Variants in NYAP2 observed in about 807,000 individuals in gnomAD.
The protein encoded by NYAP2 is neuronal tyrosine-phosphorylated phosphoinositide-3-kinase adapter 2.
A neutral mutation model predicts 50.4 loss-of-function variants in NYAP2; 23 were observed. The observed-to-expected ratio is 0.46, with a 90% CI of 0.33 to 0.65. The LOEUF (loss-of-function observed/expected upper bound fraction) is 0.65. Ranked by LOEUF, NYAP2 falls within the 30% of genes least tolerant of loss-of-function variation. The pLI is 0.02. For missense variants in NYAP2, 885 were observed against 861.0 expected (o/e 1.03, Z -0.35); for synonymous variants, 394 against 365.2 (o/e 1.08, Z -0.90).
At chr2:225,455,054 G>A (rs1689718515) in intron 3 of NYAP2, among the ~76,000 whole-genome samples, 1 of 152,048 alleles carries the variant, frequency 6.6e-6, no homozygotes, top group African/African-American at 2.4e-5. Context: ...AAGAGCTTGG[G>A]TGAAGGAATG....
intron 4 of NYAP2, among the ~76,000 whole-genome samples, chr2:225,580,798 C>A (rs942787520): frequency 6.6e-6 from 1 of 152,014 alleles, no homozygotes; most frequent in East Asian, 1.9e-4. Flanking sequence ...AGGTGTTTCC[C>A]GATTTGTGCC....
At chr2:225,646,546 G>C (rs535294501) in intron 6 of NYAP2, among the ~76,000 whole-genome samples, 1 of 152,178 alleles carries the variant, frequency 6.6e-6, no homozygotes, top group South Asian at 2.1e-4. Context: ...AGCAGAACTC[G>C]GTCTCAAAAA....
rs143652974 is a variant in NYAP2, at chr2:225,648,045, G to A, written c.1829-3387G>A. Among the ~76,000 whole-genome samples the A allele has an allele frequency of 5.3e-4, 80 of 152,250 alleles. 1 individual carries two copies. Among genetic ancestry groups the A allele is most frequent in the African/African-American group, 1.9e-3 (79 of 41,538 alleles). ...GATGGAGTTTTGCTCTTGTTGCCCAGGCTGGAGTGCAATGGCATGGTCTTG... is the reference window on the plus strand; with the variant it reads ...GATGGAGTTTTGCTCTTGTTGCCCAAGCTGGAGTGCAATGGCATGGTCTTG... On this transcript the variant is annotated intron_variant, in intron 6 of 6. Transcript: ENST00000636099.
intron 4 of NYAP2, among the ~76,000 whole-genome samples, chr2:225,514,747 G>A (rs1001982248): frequency 1.3e-5 from 2 of 152,084 alleles, no homozygotes; most frequent in African/African-American, 4.8e-5. Context: ...ACACTTCAAG[G>A]TTCCCAATGC....
At chr2:225,547,272 C>T (rs1691600985) in intron 4 of NYAP2, among the ~76,000 whole-genome samples, 1 of 152,160 alleles carries the variant, frequency 6.6e-6, no homozygotes, top group Non-Finnish European at 1.5e-5. Context: ...CAATTTACTC[C>T]ACTATTTAAT....
rs573476167 is a variant in NYAP2 at position 225,478,791 on chromosome 2, A to T, written c.222-34580A>T. On this transcript the variant is annotated intron_variant, in intron 3 of 6. Transcript: ENST00000636099. ...TGGAGGGTGGTGAAGAAAAGCAGGC[A>T]TTACATCCTGATATAAAAAGTATTT... 3.3e-5 allele frequency among the ~76,000 whole-genome samples: 5 copies of T among 152,360 alleles called. No individual in the cohort carries two copies. The South Asian group carries it at 1.0e-3, about 32-fold the overall frequency.
At chr2:225,566,899 A>G (rs1283933580) in intron 4 of NYAP2, among the ~76,000 whole-genome samples, 1 of 152,054 alleles carries the variant, frequency 6.6e-6, no homozygotes, top group African/African-American at 2.4e-5. Flanking sequence ...TCTCGGTTTG[A>G]GGAACTTACA....
chr2:225,558,063 G>A (rs1559213924), intron 4 of NYAP2, among the ~76,000 whole-genome samples: 2 of 152,172 alleles, frequency 1.3e-5, no homozygotes, highest in East Asian at 3.9e-4. Context: ...TGATTGGTTC[G>A]ATCCTATGAT....
At chr2:225,583,183 C>T (rs1692330496) in intron 5 of NYAP2, 148 bp downstream of exon 5, 12 of 989,288 alleles carry the variant, frequency 1.2e-5, no homozygotes, top group African/African-American at 1.6e-5. Flanking sequence ...TGTGTTAGTT[C>T]ATTTTTGCCA....
intron 3 of NYAP2, among the ~76,000 whole-genome samples, chr2:225,469,946 C>T (rs1217683568): frequency 6.6e-6 from 1 of 152,010 alleles, no homozygotes; most frequent in Non-Finnish European, 1.5e-5. Context: ...ACGTGTATAC[C>T]TGTGTAACAA....
intron 4 of NYAP2, among the ~76,000 whole-genome samples, chr2:225,536,459 C>T (rs1375459368): frequency 6.6e-6 from 1 of 152,212 alleles, no homozygotes; most frequent in African/African-American, 2.4e-5. Flanking sequence ...TGGAAGGGAG[C>T]ACACAGAAAA....
chr2:225,698,846 TATATG>T, the NYAP2 span: 8 of 152,100 alleles, frequency 5.3e-5, no homozygotes, highest in Middle Eastern at 3.4e-3. Context: ...AAGAGTTTAC[TATATG>T]ATATAATTTC....
chr2:225,494,207 A>G (rs1303681035), intron 3 of NYAP2, among the ~76,000 whole-genome samples: 1 of 152,264 alleles, frequency 6.6e-6, no homozygotes, highest in African/African-American at 2.4e-5. Flanking sequence ...CTAATGTGAC[A>G]CATAGATCAC....
rs549098431 is a variant in NYAP2 at position 225,608,189 on chromosome 2, A to G, written c.1619-18728A>G. ...GCAAACACTAGTTGTTTATAAAAATATACACTATTAAATGTTTTATATTTC... is the reference window on the plus strand; with the variant it reads ...GCAAACACTAGTTGTTTATAAAAATGTACACTATTAAATGTTTTATATTTC... On this transcript the variant is annotated intron_variant, in intron 5 of 6. Transcript: ENST00000636099. Among the ~76,000 whole-genome samples, 13 of 152,302 alleles carry G rather than the reference A, an allele frequency of 8.5e-5. No homozygotes were observed. The South Asian group carries it at 2.3e-3, about 27-fold the overall frequency.
At chr2:225,411,179 T>C (rs969758641) in intron 3 of NYAP2, among the ~76,000 whole-genome samples, 2 of 152,120 alleles carry the variant, frequency 1.3e-5, no homozygotes, top group East Asian at 3.9e-4. Flanking sequence ...TTGGTTTGCA[T>C]TGGGATGATA....
At chr2:225,554,042 T>G (rs933652356) in intron 4 of NYAP2, among the ~76,000 whole-genome samples, 1 of 152,130 alleles carries the variant, frequency 6.6e-6, no homozygotes, top group African/African-American at 2.4e-5. Flanking sequence ...AAAAAAGTAT[T>G]TCAAAACAAT....
At chr2:225,642,748 A>C (rs1019566540) in intron 6 of NYAP2, among the ~76,000 whole-genome samples, 1 of 152,200 alleles carries the variant, frequency 6.6e-6, no homozygotes, top group Non-Finnish European at 1.5e-5. Context: ...AACTAAGATA[A>C]CTGGTGATAC....
downstream of NYAP2, among the ~76,000 whole-genome samples, chr2:225,657,390 G>A (rs1243273623): frequency 2.6e-5 from 4 of 151,766 alleles, no homozygotes; most frequent in East Asian, 1.9e-4. Flanking sequence ...GATTATAGGC[G>A]TGAGCCACTG....
chr2:225,456,919 C>T (rs1014553033), intron 3 of NYAP2, among the ~76,000 whole-genome samples: 1 of 152,184 alleles, frequency 6.6e-6, no homozygotes, highest in Admixed American at 6.5e-5. Context: ...GACTTTCCCC[C>T]CTTCTTCTGT....
Sources: allele counts gnomAD v4.1 joint callset (sites outside exome capture counted in the v4.1 genomes callset), GRCh38; gene constraint gnomAD v4.1.1; transcripts MANE v1.5; gene names NCBI Gene and HGNC (gene_info 2026-07-23, HGNC 2026-07-21).